The following HERC5 variants were observed in gnomAD, a reference collection of about 807,000 sequenced individuals.
HERC5 encodes the protein HECT and RLD domain containing E3 ubiquitin protein ligase 5, also known as E3 ISG15--protein ligase HERC5.
HERC5 carries 99 observed loss-of-function variants against 119.6 expected under a neutral mutation model. That is an observed-to-expected ratio of 0.83 (90% confidence interval 0.70 to 0.98). The LOEUF is 0.98. HERC5 is among the 50% of genes least tolerant of loss of function. The pLI, the probability that HERC5 is intolerant of heterozygous loss-of-function variation, is 0.00. For missense variants in HERC5, 1,267 were observed against 1,241.3 expected, an observed-to-expected ratio of 1.02 and a Z score of -0.31; for synonymous variants, 478 against 445.9, an observed-to-expected ratio of 1.07 and a Z score of -0.91.
intron 11 of HERC5, among the ~76,000 whole-genome samples, chr4:88,474,886 C>T (rs1466311162): frequency 6.6e-6 from 1 of 152,148 alleles, no homozygotes; most frequent in East Asian, 1.9e-4. Context: ...TCCATAAATA[C>T]TAGCTTATCT....
In HERC5 at chr4:88,457,308, G is replaced by A. The variant is rs1422457128; in HGVS notation, c.39G>A (p.Gly13=). 3.6e-6 allele frequency: 5 copies of A among 1,377,596 alleles called. No individual in the cohort carries two copies. The South Asian group carries it at 4.8e-5, about 13-fold the overall frequency. The allele number at this position is 1,377,596 out of a possible 1,614,324, so 85.3% of individuals were successfully genotyped here. A position where few individuals can be genotyped will look rare whatever the true frequency, so the allele number is the denominator to read the frequency against. ...CGCGGAGGAAGTCGCGGCGCAACGG[G>A]CGCTCGACCGCGGGCAAGGCCGCCG... ...RRSRRKSRRN[G]RSTAGKAAAT... The change falls in exon 1 of 23, where the codon GGG becomes GGA. Residue 13 remains glycine (G), a synonymous_variant. Transcript: ENST00000264350.
chr4:88,504,040 C>T (rs1009289337), intron 20 of HERC5, among the ~76,000 whole-genome samples, 192 bp from the exon 21 acceptor site: 1 of 151,566 alleles, frequency 6.6e-6, no homozygotes, highest in Non-Finnish European at 1.5e-5. Flanking sequence ...GCATTCCAGC[C>T]CAGGTGACAG....
rs139868572 is a variant in HERC5 at position 88,496,754 on chromosome 4, A to T, written c.2444+2423A>T. Among the ~76,000 whole-genome samples, 149 of 152,348 alleles carry T rather than the reference A, an allele frequency of 9.8e-4. 1 individual carries two copies. In the East Asian group the frequency reaches 0.022, roughly 22 times the overall value. ...AAGACATGCAGTGTACCAACAGTAA[A>T]GAAAAGATTTAATACATTTAATTGC... On this transcript the variant is annotated intron_variant, in intron 18 of 22. Transcript: ENST00000264350.
intron 9 of HERC5, among the ~76,000 whole-genome samples, chr4:88,470,021 C>A (rs1245443199): frequency 1.3e-5 from 2 of 152,208 alleles, no homozygotes; most frequent in African/African-American, 4.8e-5. Context: ...TACCATTCTT[C>A]TCTAAACCAT....
intron 10 of HERC5, among the ~76,000 whole-genome samples, 187 bp downstream of exon 10, chr4:88,470,860 C>A (rs1740846986): frequency 6.6e-6 from 1 of 151,870 alleles, no homozygotes; most frequent in Non-Finnish European, 1.5e-5. Context: ...AAGTGAAAAT[C>A]TTCCATAATC....
chr4:88,491,002 A>C (rs1338623217), intron 16 of HERC5, among the ~76,000 whole-genome samples: 1 of 152,082 alleles, frequency 6.6e-6, no homozygotes, highest in African/African-American at 2.4e-5. Context: ...TTGTTCATTC[A>C]GTTTTTAAAT....
intron 13 of HERC5, among the ~76,000 whole-genome samples, chr4:88,483,560 A>T (rs1422696115): frequency 8.5e-6 from 1 of 117,914 alleles, no homozygotes; most frequent in Non-Finnish European, 1.6e-5. Flanking sequence ...ACAGAGTCTC[A>T]TCCTGTTGCT....
intron 20 of HERC5, among the ~76,000 whole-genome samples, chr4:88,501,616 T>C (rs1741950328): frequency 6.6e-6 from 1 of 152,204 alleles, no homozygotes; most frequent in East Asian, 1.9e-4. Flanking sequence ...CTTAATCTTT[T>C]TTTTTAAACT....
chr4:88,490,822 G>A (rs1741612330), intron 16 of HERC5, among the ~76,000 whole-genome samples: 1 of 152,154 alleles, frequency 6.6e-6, no homozygotes, highest in African/African-American at 2.4e-5. Context: ...TCTAGCCTGG[G>A]CGACAGAGCA....
intron 22 of HERC5, among the ~76,000 whole-genome samples, 174 bp downstream of exon 22, chr4:88,504,771 A>G (rs1742059357): frequency 6.6e-6 from 1 of 152,178 alleles, no homozygotes; most frequent in Non-Finnish European, 1.5e-5. Context: ...TCTATAAGCA[A>G]TCTTTTCCCC....
chr4:88,465,016 T>C (rs1215152699), intron 6 of HERC5, among the ~76,000 whole-genome samples: 3 of 152,162 alleles, frequency 2.0e-5, no homozygotes, highest in African/African-American at 7.2e-5. Flanking sequence ...GTGATCCACC[T>C]GCCTCGGCCT....
At chr4:88,466,481 A>G (rs2149088946) in intron 6 of HERC5, among the ~76,000 whole-genome samples, 1 of 152,152 alleles carries the variant, frequency 6.6e-6, no homozygotes, top group East Asian at 1.9e-4. Context: ...TCTGATTTAC[A>G]TCACAGGCCA....
At chr4:88,487,656 T>C (rs955607275) in intron 15 of HERC5, among the ~76,000 whole-genome samples, 2 of 152,202 alleles carry the variant, frequency 1.3e-5, no homozygotes, top group African/African-American at 4.8e-5. Flanking sequence ...AAAAGAGGTT[T>C]GTACAGATTC....
At position 88,489,306 on chromosome 4, in the gene HERC5, T is replaced by G; in HGVS notation, c.2103T>G (p.Phe701Leu). Residue 701 changes from phenylalanine (F) to leucine (L), a missense_variant, in exon 16 of 23, where the codon TTT becomes TTG. Phe to Leu is a conservative substitution (Grantham distance 22, BLOSUM62 0). This residue lies in a region of HERC5 where 473 missense variants were observed against 445.7 expected (regional missense o/e 1.06). Coordinates refer to ENST00000264350, the MANE Select transcript of HERC5 (RefSeq NM_016323.4). ...IEDVLNQLSQ[F>L]ENEDLRKELW... is the part of the protein sequence containing the mutation. ...ATGTTTTGAATCAGCTAAGTCAATT[T>G]GAGAATGAAGACCTGAGGAAAGAGT... The G allele has an allele frequency of 6.2e-7, 1 of 1,613,570 alleles. No individual in the cohort carries two copies. The highest frequency in any genetic ancestry group is 8.5e-7 in the Non-Finnish European group (1 of 1,179,802).
At chr4:88,500,867 G>C in intron 19 of HERC5, 48 bp from the exon 20 acceptor site, 1 of 1,338,802 alleles carries the variant, frequency 7.5e-7, no homozygotes, top group Non-Finnish European at 1.1e-6. Flanking sequence ...ATGATAGATT[G>C]TTCAGAATTA....
At chr4:88,469,663 A>G (rs1219673697) in intron 9 of HERC5, among the ~76,000 whole-genome samples, 1 of 152,210 alleles carries the variant, frequency 6.6e-6, no homozygotes, top group East Asian at 1.9e-4. Context: ...GCTCACTCAC[A>G]TTATGGAAGG....
Position 88,469,244 on chromosome 4 carries a change from T to C in HERC5, c.1222T>C (p.Trp408Arg), listed in dbSNP as rs766171077. Reference protein sequence around the residue: ...RWIADVETKRWQSTKREIQEI... With the variant: ...RWIADVETKRRQSTKREIQEI... ...GATTGCTGATGTGGAGACTAAACGG[T>C]GGCAGAGCACAAAAAGGTACACCCC... Residue 408 changes from tryptophan to arginine, a missense_variant, in exon 9 of 23, where the codon TGG becomes CGG. Trp to Arg is a moderately radical substitution (Grantham distance 101). Transcript: ENST00000264350. 1 of 1,611,918 alleles carries C rather than the reference T, an allele frequency of 6.2e-7. No individual in the cohort carries two copies. The highest frequency in any genetic ancestry group is 1.7e-5 in the Admixed American group (1 of 59,980).
chr4:88,487,517 T>C (rs1560609943), intron 15 of HERC5, among the ~76,000 whole-genome samples: 1 of 152,156 alleles, frequency 6.6e-6, no homozygotes, highest in Non-Finnish European at 1.5e-5. Flanking sequence ...TGTAACAGAC[T>C]TGGGCTTGAC....
Position 88,457,157 on chromosome 4 carries a change from C to G in HERC5, c.-113C>G. 3 of 1,233,732 alleles carry G rather than the reference C, an allele frequency of 2.4e-6. No individual in the cohort carries two copies. Among genetic ancestry groups the G allele is most frequent in the Non-Finnish European group, 3.0e-6 (3 of 988,394 alleles). 76.4% of individuals were successfully genotyped at this position (1,233,732 alleles called of 1,614,324 possible). A position where few individuals can be genotyped will look rare whatever the true frequency, so the allele number is the denominator to read the frequency against. On this transcript the variant is annotated 5_prime_UTR_variant, in exon 1 of 23. Coordinates refer to ENST00000264350, the MANE Select transcript of HERC5 (RefSeq NM_016323.4). ...GCGGTTCCCCGACGCCACGCAGCTG[C>G]GCGCAGCTGGTTCCCGCTCTGCAGC...
Sources: allele counts gnomAD v4.1 joint callset (sites outside exome capture counted in the v4.1 genomes callset), GRCh38; gene constraint gnomAD v4.1.1; regional missense constraint gnomAD v4.1.1; transcripts MANE v1.5; gene names NCBI Gene and HGNC (gene_info 2026-07-23, HGNC 2026-07-21).